UNC5B: variants seen among roughly 807,000 people sequenced by gnomAD.
The protein encoded by UNC5B is unc-5 netrin receptor B, also known as netrin receptor UNC5B.
In UNC5B, 56 loss-of-function variants were observed where a neutral mutation model predicts 103.7. The observed-to-expected ratio is 0.54, with a 90% confidence interval of 0.44 to 0.67. The LOEUF (loss-of-function observed/expected upper bound fraction) is 0.67. Among genes scored for constraint, UNC5B ranks in the 30% least tolerant of loss-of-function variants. UNC5B has a pLI of 0.00. For missense variants in UNC5B, 1,194 were observed against 1,284.5 expected (o/e 0.93, Z 1.08); for synonymous variants, 577 against 542.0 (o/e 1.06, Z -0.90).
chr10:71,271,430 C>T (rs1038937766), intron 1 of UNC5B, among the ~76,000 whole-genome samples: 1 of 152,174 alleles, frequency 6.6e-6, no homozygotes. Context: ...AACAGAATAT[C>T]CCCTCCTCAG....
intron 1 of UNC5B, chr10:71,217,902 G>A (rs1843367671): frequency 1.3e-5 from 2 of 152,182 alleles, no homozygotes; most frequent in Admixed American, 6.5e-5. Flanking sequence ...GGAGCCCCGG[G>A]AGCTCTAACG....
At chr10:71,231,233 G>T (rs1843676540) in intron 1 of UNC5B, among the ~76,000 whole-genome samples, 1 of 152,210 alleles carries the variant, frequency 6.6e-6, no homozygotes, top group Admixed American at 6.5e-5. Context: ...AGCATTTCCT[G>T]CTGGGCACCC....
At position 71,298,060 on chromosome 10, in the gene UNC5B, G is replaced by T. The variant is rs202226424; in HGVS notation, c.2642G>T (p.Arg881Leu). The T allele has an allele frequency of 2.5e-6, 4 of 1,612,666 alleles. No homozygotes were observed. In the Admixed American group the frequency reaches 6.7e-5, roughly 27 times the overall value. The part of the protein sequence containing the change: ...DAPNSRGNDW[R>L]MLAQKLSMDR... Reference sequence around the variant, plus strand: ...CCCAACTCACGGGGCAATGACTGGCGGATGTTAGCACAGAAGCTCTCTATG... The same window carrying T: ...CCCAACTCACGGGGCAATGACTGGCTGATGTTAGCACAGAAGCTCTCTATG... The change falls in exon 16 of 17, where the codon CGG (arginine) becomes CTG (leucine). Residue 881 changes from arginine to leucine, a missense_variant. Coordinates refer to ENST00000335350, the MANE Select transcript of UNC5B (RefSeq NM_170744.5).
chr10:71,250,229 A>G (rs1204232388), intron 1 of UNC5B, among the ~76,000 whole-genome samples: 1 of 152,174 alleles, frequency 6.6e-6, no homozygotes, highest in Non-Finnish European at 1.5e-5. Context: ...GAGACATCAG[A>G]ACTCCTTTCC....
chr10:71,291,529 C>T lies in UNC5B; in HGVS notation c.1392C>T (p.Asp464=). 3 of 1,614,188 alleles carry T rather than the reference C, an allele frequency of 1.9e-6. No homozygotes were observed. The highest frequency in any genetic ancestry group is 2.5e-6 in the Non-Finnish European group (3 of 1,180,030). Residue 464 remains aspartate, a synonymous_variant, in exon 10 of 17, where the codon GAC becomes GAT. Coordinates refer to ENST00000335350, the MANE Select transcript of UNC5B (RefSeq NM_170744.5). ...GPVYALQDST[D]KIPMTNSPLL... ...TGTATGCCCTGCAGGACTCCACCGA[C>T]AAAATCCCCATGACCAACTCTCCTC...
At chr10:71,282,240 CAGAAG>C (rs138653471) in intron 2 of UNC5B, among the ~76,000 whole-genome samples, 2,179 of 152,224 alleles carry the variant, frequency 0.014, 49 homozygotes, top group African/African-American at 0.047. Context: ...CCTGAAAACA[CAGAAG>C]AGGACAGCTG....
At chr10:71,259,155 CA>C (rs1844357566) in intron 1 of UNC5B, among the ~76,000 whole-genome samples, 1 of 152,138 alleles carries the variant, frequency 6.6e-6, no homozygotes, top group Non-Finnish European at 1.5e-5. Context: ...TTTGGGAGGC[CA>C]ATGCAATAGG....
rs529743018 is a variant in UNC5B at position 71,301,416 on chromosome 10, G to A, written c.*2139G>A. On this transcript the variant is annotated 3_prime_UTR_variant, in exon 17 of 17. Transcript: ENST00000335350. Reference sequence around the variant, plus strand: ...CTGAGGGGCCAGGCCTGCATCAGGGGCTAGGCTCTGGCTGGGCCCGGAGGC... The same window carrying A: ...CTGAGGGGCCAGGCCTGCATCAGGGACTAGGCTCTGGCTGGGCCCGGAGGC... 1 of 152,358 alleles carries A rather than the reference G, an allele frequency of 6.6e-6. No homozygotes were observed. Among genetic ancestry groups the A allele is most frequent in the South Asian group, 2.1e-4 (1 of 4,830 alleles). 9.4% of individuals were successfully genotyped at this position (152,358 alleles called of 1,614,324 possible). A position where few individuals can be genotyped will look rare whatever the true frequency, so the allele number is the denominator to read the frequency against.
intron 1 of UNC5B, among the ~76,000 whole-genome samples, chr10:71,219,733 G>T (rs1049599099): frequency 3.4e-4 from 52 of 152,252 alleles, no homozygotes; most frequent in African/African-American, 1.2e-3. Flanking sequence ...GGTGCTGTCT[G>T]TAAGTGTTGC....
intron 1 of UNC5B, among the ~76,000 whole-genome samples, chr10:71,245,824 A>G (rs1041139428): frequency 1.3e-5 from 2 of 152,222 alleles, no homozygotes; most frequent in South Asian, 4.1e-4. Flanking sequence ...CTCCCGTTCC[A>G]TTGTGACCCG....
chr10:71,278,207 C>G (rs1271532217), intron 1 of UNC5B, among the ~76,000 whole-genome samples: 5 of 152,220 alleles, frequency 3.3e-5, no homozygotes, highest in African/African-American at 1.2e-4. Context: ...AAACATAGCA[C>G]CTGATGCTGG....
At chr10:71,256,727 C>T (rs547136688) in intron 1 of UNC5B, among the ~76,000 whole-genome samples, 3 of 152,360 alleles carry the variant, frequency 2.0e-5, no homozygotes, top group African/African-American at 4.8e-5. Context: ...CACACCTGCC[C>T]GTGCATTTGG....
chr10:71,221,971 T>A (rs962830787), intron 1 of UNC5B, among the ~76,000 whole-genome samples: 15 of 152,232 alleles, frequency 9.9e-5, no homozygotes, highest in African/African-American at 2.4e-4. Flanking sequence ...TCTGAAGTGC[T>A]CAGTGACATT....
In UNC5B at chr10:71,285,315, G is replaced by A. The variant is rs1442943474; in HGVS notation, c.449-11G>A. ...CACCTGACTGCCTTGGGACCCTCTCGCTTCTCCCAGACCTGCGCAAGAACT... is the reference window on the plus strand; with the variant it reads ...CACCTGACTGCCTTGGGACCCTCTCACTTCTCCCAGACCTGCGCAAGAACT... On this transcript the variant is annotated splice_polypyrimidine_tract_variant and intron_variant, in intron 3 of 16. Transcript: ENST00000335350. 9 of 1,603,616 alleles carry A rather than the reference G, an allele frequency of 5.6e-6. No individual in the cohort carries two copies. The highest frequency in any genetic ancestry group is 1.1e-5 in the South Asian group (1 of 88,802).
At chr10:71,268,303 A>G (rs1844566109) in intron 1 of UNC5B, among the ~76,000 whole-genome samples, 1 of 152,250 alleles carries the variant, frequency 6.6e-6, no homozygotes, top group African/African-American at 2.4e-5. Flanking sequence ...CAGATTGGCA[A>G]AGGCCAGAGT....
chr10:71,237,397 A>G (rs1843796782), intron 1 of UNC5B, among the ~76,000 whole-genome samples: 1 of 152,220 alleles, frequency 6.6e-6, no homozygotes, highest in Non-Finnish European at 1.5e-5. Context: ...ATGAGATTTT[A>G]GAGAGAGAGC....
intron 1 of UNC5B, among the ~76,000 whole-genome samples, chr10:71,267,838 G>A (rs1392009489): frequency 3.3e-5 from 5 of 152,204 alleles, no homozygotes; most frequent in African/African-American, 4.8e-5. Context: ...ACCCAGGGCC[G>A]GGGTCTTTCC....
rs775447850 is a variant in UNC5B, at chr10:71,298,033, C to T, written c.2615C>T (p.Ala872Val). The change falls in exon 16 of 17, where the codon GCC becomes GTC. Residue 872 changes from alanine to valine, a missense_variant. Physicochemically the swap from Ala to Val is moderately conservative, Grantham distance 64 (BLOSUM62 0). Transcript: ENST00000335350. ...CAGAAGATATGCAACAGCCTAGATG[C>T]CCCCAACTCACGGGGCAATGACTGG... The part of the protein sequence containing the change: ...IRQKICNSLD[A>V]PNSRGNDWRM... The T allele has an allele frequency of 5.0e-6, 8 of 1,613,568 alleles. No individual in the cohort carries two copies. In the African/African-American group the frequency reaches 5.3e-5, roughly 11 times the overall value.
intron 1 of UNC5B, among the ~76,000 whole-genome samples, chr10:71,222,455 A>G (rs1181098040): frequency 2.6e-5 from 4 of 152,208 alleles, no homozygotes; most frequent in Non-Finnish European, 4.4e-5. Context: ...ACACACACAT[A>G]TACAGTCTTG....
Sources: gnomAD v4.1 joint callset for allele counts (sites outside exome capture counted in the v4.1 genomes callset) on GRCh38, gnomAD v4.1.1 for gene constraint, MANE v1.5 for transcripts, NCBI Gene and HGNC (gene_info 2026-07-23, HGNC 2026-07-21) for gene names.